Variants in AP1S2 observed in about 807,000 individuals in gnomAD.
AP1S2 encodes the protein AP-1 complex subunit sigma-2.
AP1S2 carries 1 observed loss-of-function variant against 14.3 expected under a neutral mutation model. The observed-to-expected ratio is 0.07, with a 90% CI of 0.02 to 0.33. AP1S2 has a LOEUF of 0.33. AP1S2 is among the 10% of genes least tolerant of loss of function. AP1S2 has a pLI of 0.99. For missense variants in AP1S2, 30 were observed against 117.7 expected (o/e 0.25, Z 3.45); for synonymous variants, 30 against 40.5 (o/e 0.74, Z 0.99).
At chrX:15,833,024 A>G (rs767506073) in intron 4 of AP1S2, 202 of 1,105,814 alleles carry the variant, frequency 1.8e-4, no homozygotes, top group Non-Finnish European at 2.3e-4. Flanking sequence ...AGAGAACAAG[A>G]AAAGTTTAAG....
chrX:15,834,935 G>A (rs1397882390), intron 4 of AP1S2, among the ~76,000 whole-genome samples: 2 of 111,261 alleles, frequency 1.8e-5, no homozygotes, highest in East Asian at 2.8e-4. Context: ...ACAGCAGAGA[G>A]AAGTCAAGTT....
chrX:15,828,397 C>G (rs1368499323), intron 4 of AP1S2, among the ~76,000 whole-genome samples, 197 bp from the exon 5 acceptor site: 1 of 111,443 alleles, frequency 9.0e-6, no homozygotes, highest in Admixed American at 9.5e-5. Context: ...AATTAAGGCT[C>G]TGCCTAATTT....
rs1257389671 is a variant in AP1S2 at position 15,851,246 on chromosome X, G to C, written c.179+1100C>G. On this transcript the variant is annotated intron_variant, in intron 2 of 5. Coordinates refer to ENST00000672987, the MANE Select transcript of AP1S2 (RefSeq NM_001272071.2). The stretch of plus-strand genomic sequence containing the variant: ...AACACTGGATACAAAATCACCCAAA[G>C]ATACAAAATCACCAAAGATCATTCA... Among the ~76,000 whole-genome samples, 5 of 112,289 alleles carry C rather than the reference G, an allele frequency of 4.5e-5. No individual in the cohort carries two copies. The Admixed American group carries it at 4.7e-4, about 11-fold the overall frequency.
intron 4 of AP1S2, among the ~76,000 whole-genome samples, chrX:15,835,920 AT>A (rs1933620772): frequency 1.8e-5 from 2 of 110,671 alleles, no homozygotes; most frequent in Non-Finnish European, 3.8e-5. Context: ...CCTGGGCAAC[AT>A]GGTGAGACCC....
At chrX:15,834,859 A>T (rs1480896036) in intron 4 of AP1S2, among the ~76,000 whole-genome samples, 6 of 109,786 alleles carry the variant, frequency 5.5e-5, no homozygotes, top group Non-Finnish European at 1.1e-4. Context: ...CCCCTGCATG[A>T]AGAAAAATGT....
At chrX:15,833,663 G>A in intron 4 of AP1S2, 1 of 228,057 alleles carries the variant, frequency 4.4e-6, no homozygotes, top group Non-Finnish European at 6.4e-6. Context: ...TAACATTTAA[G>A]GTAATTTTTT....
chrX:15,841,578 A>G (rs191851165), intron 4 of AP1S2, among the ~76,000 whole-genome samples: 54 of 112,203 alleles, frequency 4.8e-4, no homozygotes, highest in Admixed American at 1.5e-3. Context: ...TATAAGACCA[A>G]AAAAGTTATT....
In AP1S2 at chrX:15,826,631, A is replaced by T. The variant is rs1190342089; in HGVS notation, c.*694T>A. On this transcript the variant is annotated 3_prime_UTR_variant, in exon 6 of 6. Transcript: ENST00000672987. Reference sequence around the variant, plus strand: ...CCACAAAAAATTCATCTCAGGAGTCAAATGTGCCTTGGCCTTAAAAATTAT... The same window carrying T: ...CCACAAAAAATTCATCTCAGGAGTCTAATGTGCCTTGGCCTTAAAAATTAT... The T allele has an allele frequency of 9.0e-6, 1 of 111,485 alleles. No homozygotes were observed. Among genetic ancestry groups the T allele is most frequent in the African/African-American group, 3.3e-5 (1 of 30,676 alleles). The allele number at this position is 111,485 out of a possible 1,213,427, so 9.2% of individuals were successfully genotyped here.
chrX:15,851,967 G>A (rs1057321647), intron 2 of AP1S2, among the ~76,000 whole-genome samples: 5 of 111,672 alleles, frequency 4.5e-5, no homozygotes, highest in African/African-American at 1.3e-4. Context: ...ATAGATTTTC[G>A]GGGAAAAAGA....
chrX:15,835,574 GC>G (rs1933606765), intron 4 of AP1S2, among the ~76,000 whole-genome samples: 1 of 111,381 alleles, frequency 9.0e-6, no homozygotes, highest in Non-Finnish European at 1.9e-5. Flanking sequence ...TTTGTGAAGT[GC>G]TAAGAAAGTC....
rs1486947209 is a variant in AP1S2, at chrX:15,826,241, G to A, written c.*1084C>T. On this transcript the variant is annotated 3_prime_UTR_variant, in exon 6 of 6. Coordinates refer to ENST00000672987, the MANE Select transcript of AP1S2 (RefSeq NM_001272071.2). The stretch of plus-strand genomic sequence containing the variant: ...ATGTATAAGTACTTAGAAAAGTGAC[G>A]CTGAACAATTACATAGCTTTAAAAA... 3 of 112,212 alleles carry A rather than the reference G, an allele frequency of 2.7e-5. No individual in the cohort carries two copies. Among genetic ancestry groups the A allele is most frequent in the Admixed American group, 1.9e-4 (2 of 10,570 alleles). The allele number at this position is 112,212 out of a possible 1,213,427, so 9.2% of individuals were successfully genotyped here.
intron 4 of AP1S2, chrX:15,831,207 A>G (rs950407197): frequency 3.0e-4 from 213 of 719,958 alleles, no homozygotes; most frequent in Admixed American, 1.5e-3. Context: ...CTCTTATAAG[A>G]TAAATCACAG....
chrX:15,827,427 G>A, intron 5 of AP1S2, 55 bp from the exon 6 acceptor site: 1 of 1,007,992 alleles, frequency 9.9e-7, no homozygotes, highest in African/African-American at 1.9e-5. Context: ...TCTTGAGAAT[G>A]TGAAACATTG....
intron 4 of AP1S2, among the ~76,000 whole-genome samples, chrX:15,838,237 A>T (rs764716237): frequency 9.0e-6 from 1 of 110,758 alleles, no homozygotes; most frequent in African/African-American, 3.3e-5. Flanking sequence ...GACAACCAAA[A>T]ATGTGTCCAA....
At chrX:15,839,271 G>A (rs1443093014) in intron 4 of AP1S2, among the ~76,000 whole-genome samples, 1 of 111,906 alleles carries the variant, frequency 8.9e-6, no homozygotes, top group Non-Finnish European at 1.9e-5. Context: ...GTTTTAACAT[G>A]AACAGTAGTA....
intron 4 of AP1S2, among the ~76,000 whole-genome samples, chrX:15,843,883 G>GC (rs1238695031): frequency 1.8e-5 from 2 of 111,794 alleles, no homozygotes. Context: ...TATAGTCAGC[G>GC]CACCTGATAT....
chrX:15,849,586 A>G (rs1232690941), intron 2 of AP1S2, among the ~76,000 whole-genome samples: 2 of 112,254 alleles, frequency 1.8e-5, no homozygotes, highest in East Asian at 2.8e-4. Context: ...GGTGCTTGAT[A>G]TAAGTATCAG....
chrX:15,849,555 A>T (rs762083571), intron 2 of AP1S2, among the ~76,000 whole-genome samples: 4 of 112,279 alleles, frequency 3.6e-5, no homozygotes, highest in African/African-American at 9.7e-5. Context: ...TGTTTTTTTT[A>T]AAGTCCACCT....
intron 4 of AP1S2, among the ~76,000 whole-genome samples, chrX:15,837,638 T>TA (rs1933686126): frequency 9.7e-6 from 1 of 103,088 alleles, no homozygotes; most frequent in African/African-American, 3.6e-5. Context: ...GACGGAGTCT[T>TA]ACTCTGTCGC....
Sources: gnomAD v4.1 joint callset for allele counts (sites outside exome capture counted in the v4.1 genomes callset) on GRCh38, gnomAD v4.1.1 for gene constraint, MANE v1.5 for transcripts, NCBI Gene and HGNC (gene_info 2026-07-23, HGNC 2026-07-21) for gene names.